Variants in WWOX observed in about 807,000 individuals in gnomAD.
WWOX encodes the protein WW domain-containing oxidoreductase.
Under a neutral mutation model 46.2 loss-of-function variants are expected in WWOX, and 69 were observed. The ratio of observed to expected loss-of-function variants is 1.49; its 90% CI spans 1.23 to 1.82. The LOEUF (loss-of-function observed/expected upper bound fraction) is 1.82. Among genes scored for constraint, WWOX ranks in the 40% most tolerant of loss-of-function variants. The pLI is 0.00. For synonymous variants in WWOX, 359 were observed against 202.6 expected (o/e 1.77, Z -6.56); for missense variants, 919 against 542.6 (o/e 1.69, Z -6.89).
intron 8 of WWOX, among the ~76,000 whole-genome samples, chr16:79,095,083 C>G (rs926114626): frequency 2.6e-5 from 4 of 152,184 alleles, no homozygotes; most frequent in African/African-American, 7.2e-5. Context: ...TGGATATTCT[C>G]TGCCCCAGCC....
chr16:78,911,568 G>T (rs1310876585), intron 8 of WWOX, among the ~76,000 whole-genome samples: 1 of 152,010 alleles, frequency 6.6e-6, no homozygotes, highest in East Asian at 1.9e-4. Flanking sequence ...CAGTGGCAAT[G>T]TTGTAAGAAA....
chr16:78,457,606 G>C (rs1429315589), intron 8 of WWOX, among the ~76,000 whole-genome samples: 1 of 152,014 alleles, frequency 6.6e-6, no homozygotes, highest in Non-Finnish European at 1.5e-5. Flanking sequence ...GGGCTGCAGA[G>C]GACGCACATG....
At chr16:78,924,233 A>G (rs533844715) in intron 8 of WWOX, among the ~76,000 whole-genome samples, 13 of 152,312 alleles carry the variant, frequency 8.5e-5, no homozygotes, top group African/African-American at 2.6e-4. Context: ...CTGTGAATTC[A>G]TAGACGTCTT....
At chr16:78,881,083 C>T (rs2044334145) in intron 8 of WWOX, among the ~76,000 whole-genome samples, 2 of 151,000 alleles carry the variant, frequency 1.3e-5, no homozygotes, top group Admixed American at 1.3e-4. Context: ...CCTTTGCCTC[C>T]TGGGCGCAAG....
intron 8 of WWOX, among the ~76,000 whole-genome samples, chr16:78,764,791 C>T (rs754985471): frequency 2.6e-5 from 4 of 151,584 alleles, no homozygotes; most frequent in Non-Finnish European, 4.4e-5. Flanking sequence ...GTCTTGAACA[C>T]GGTAAACAAC....
At chr16:78,559,582 C>T (rs749919782) in intron 8 of WWOX, among the ~76,000 whole-genome samples, 13 of 152,170 alleles carry the variant, frequency 8.5e-5, no homozygotes, top group African/African-American at 2.4e-4. Context: ...GCTCTAAGTG[C>T]GTATGCTTTT....
intron 8 of WWOX, among the ~76,000 whole-genome samples, chr16:78,741,867 A>G (rs951718995): frequency 1.3e-5 from 2 of 152,240 alleles, no homozygotes; most frequent in Non-Finnish European, 2.9e-5. Context: ...ATAAATACAT[A>G]CATACAACAT....
At chr16:78,242,212 G>A (rs923461656) in intron 5 of WWOX, among the ~76,000 whole-genome samples, 2 of 152,170 alleles carry the variant, frequency 1.3e-5, no homozygotes, top group African/African-American at 4.8e-5. Flanking sequence ...CAGCCACTTT[G>A]TAATACCTGT....
At chr16:78,764,943 A>G (rs2049892767) in intron 8 of WWOX, among the ~76,000 whole-genome samples, 1 of 152,194 alleles carries the variant, frequency 6.6e-6, no homozygotes, top group Admixed American at 6.5e-5. Context: ...TTTAGGGCAT[A>G]CACATCTGCT....
At chr16:79,175,806 C>T (rs775272655) in intron 8 of WWOX, among the ~76,000 whole-genome samples, 1 of 152,102 alleles carries the variant, frequency 6.6e-6, no homozygotes, top group African/African-American at 2.4e-5. Context: ...TCCCAATGTG[C>T]CCTTTTTGTC....
chr16:78,405,993 C>T (rs1416670999), intron 6 of WWOX, among the ~76,000 whole-genome samples: 2 of 152,018 alleles, frequency 1.3e-5, no homozygotes, highest in Admixed American at 6.6e-5. Flanking sequence ...AAAAGATATT[C>T]TTTAACTGGG....
At chr16:79,152,884 C>G (rs142350625) in intron 8 of WWOX, among the ~76,000 whole-genome samples, 1 of 152,022 alleles carries the variant, frequency 6.6e-6, no homozygotes, top group Non-Finnish European at 1.5e-5. Context: ...TACCCAGTTG[C>G]ACTGAGGGAA....
intron 5 of WWOX, among the ~76,000 whole-genome samples, chr16:78,310,302 G>C (rs182778504): frequency 5.2e-4 from 79 of 152,262 alleles, no homozygotes; most frequent in African/African-American, 1.7e-3. Flanking sequence ...TCTGGGCTTT[G>C]TCTCACACCT....
chr16:79,034,589 G>T (rs947475049), intron 8 of WWOX, among the ~76,000 whole-genome samples: 1 of 152,110 alleles, frequency 6.6e-6, no homozygotes, highest in South Asian at 2.1e-4. Flanking sequence ...TTATTCTGTT[G>T]TGGAGTGATT....
chr16:78,862,198 A>G (rs2043901887), intron 8 of WWOX, among the ~76,000 whole-genome samples: 1 of 151,352 alleles, frequency 6.6e-6, no homozygotes, highest in African/African-American at 2.4e-5. Context: ...GTCTGTCTGT[A>G]TCTTTACACA....
chr16:79,142,214 G>A (rs1056819349), intron 8 of WWOX, among the ~76,000 whole-genome samples: 60 of 152,178 alleles, frequency 3.9e-4, no homozygotes, highest in African/African-American at 1.4e-3. Flanking sequence ...TGGCCATAGT[G>A]ACAGGCTAAG....
At chr16:78,214,886 G>C (rs1597361318) in intron 5 of WWOX, among the ~76,000 whole-genome samples, 2 of 151,920 alleles carry the variant, frequency 1.3e-5, no homozygotes, top group Admixed American at 6.6e-5. Flanking sequence ...TGGAAACTAG[G>C]GATACTACTT....
chr16:78,742,595 G>A (rs374104720), intron 8 of WWOX, among the ~76,000 whole-genome samples: 1 of 152,146 alleles, frequency 6.6e-6, no homozygotes, highest in South Asian at 2.1e-4. Flanking sequence ...GATCCCCAGC[G>A]CATCACGAGA....
chr16:78,816,509 T>C (rs1283515765), intron 8 of WWOX, among the ~76,000 whole-genome samples: 5 of 136,616 alleles, frequency 3.7e-5, no homozygotes, highest in Non-Finnish European at 7.7e-5. Flanking sequence ...ACTCTTTTTT[T>C]TTTTTTTTTT....
Sources: gnomAD v4.1 joint callset for allele counts (sites outside exome capture counted in the v4.1 genomes callset) on GRCh38, gnomAD v4.1.1 for gene constraint, MANE v1.5 for transcripts, NCBI Gene and HGNC (gene_info 2026-07-23, HGNC 2026-07-21) for gene names.